The following TTBK2 variants were observed in gnomAD, a reference collection of about 807,000 sequenced individuals.
TTBK2 encodes tau-tubulin kinase 2.
Under a neutral mutation model 110.8 loss-of-function variants are expected in TTBK2, and 28 were observed. That is an observed-to-expected ratio of 0.25 (90% CI 0.19 to 0.35). TTBK2 has a LOEUF of 0.35. Among genes scored for constraint, TTBK2 ranks in the 10% least tolerant of loss-of-function variants. The pLI, the probability that TTBK2 is intolerant of heterozygous loss-of-function variation, is 1.00. For synonymous variants in TTBK2, 532 were observed against 527.3 expected, an observed-to-expected ratio of 1.01 and a Z score of -0.12; for missense variants, 1,369 against 1,500.3, an observed-to-expected ratio of 0.91 and a Z score of 1.45.
chr15:42,752,701 C>T lies in TTBK2; in HGVS notation c.2545G>A (p.Val849Ile). ...CTGGAAGAAATTTCTGAAGTTCCAA[C>T]TGTCAGAAGCTTCATTATCTCATTA... ...KNNEIMKLLT[V>I]GTSEISSRDI... Residue 849 changes from valine to isoleucine, a missense_variant, in exon 14 of 15, where the codon GTT becomes ATT. This residue lies in a region of TTBK2 where 1,097 missense variants were observed against 1,114.7 expected (regional missense o/e 0.98). Transcript: ENST00000267890. 6.2e-7 allele frequency: 1 copy of T among 1,614,154 alleles called. No homozygotes were observed. Among genetic ancestry groups the T allele is most frequent in the Non-Finnish European group, 8.5e-7 (1 of 1,180,038 alleles).
At chr15:42,851,202 C>A (rs1202052856) in intron 3 of TTBK2, among the ~76,000 whole-genome samples, 2 of 149,826 alleles carry the variant, frequency 1.3e-5, no homozygotes, top group Non-Finnish European at 3.0e-5. Context: ...GAGCAGAGAT[C>A]ATGCCACTGC....
rs71108183 is a variant in TTBK2, at chr15:42,815,958, A to AAAAATATATATATATATATAT, written c.603+1073_603+1074insATATATATATATATATATTTT. Among the ~76,000 whole-genome samples the AAAAATATATATATATATATAT allele has an allele frequency of 2.9e-4, 27 of 91,688 alleles. 2 individuals carry two copies. Among genetic ancestry groups the AAAAATATATATATATATATAT allele is most frequent in the African/African-American group, 1.1e-3 (17 of 16,138 alleles). The allele number at this position is 91,688 out of a possible 152,430, so 60.2% of individuals were successfully genotyped here. ...TATATATATATATATTTAAAAAAAAAATATATATATATATATATATTTGAG... is the reference window on the plus strand; with the variant it reads ...TATATATATATATATTTAAAAAAAAAAAAATATATATATATATATATATATATATATATATATATATTTGAG... On this transcript the variant is annotated intron_variant, in intron 7 of 14. Transcript: ENST00000267890.
intron 10 of TTBK2, among the ~76,000 whole-genome samples, chr15:42,790,646 C>T (rs1276824254): frequency 6.6e-6 from 1 of 151,912 alleles, no homozygotes. Flanking sequence ...CCTTTTTGTT[C>T]TAATGCTTAT....
chr15:42,853,808 G>A (rs1893819207), intron 3 of TTBK2, among the ~76,000 whole-genome samples: 2 of 152,136 alleles, frequency 1.3e-5, no homozygotes, highest in Non-Finnish European at 2.9e-5. Context: ...TTGAACCTGG[G>A]AGGTGGAGGT....
At chr15:42,808,238 G>T (rs1313366099) in intron 9 of TTBK2, among the ~76,000 whole-genome samples, 1 of 152,236 alleles carries the variant, frequency 6.6e-6, no homozygotes, top group Non-Finnish European at 1.5e-5. Flanking sequence ...GCTATTGGAT[G>T]AGGTGTTGGC....
chr15:42,768,697 T>C (rs539739315), intron 13 of TTBK2, among the ~76,000 whole-genome samples: 7 of 152,292 alleles, frequency 4.6e-5, no homozygotes, highest in Non-Finnish European at 8.8e-5. Context: ...AGGTAATTTA[T>C]AGATTCAATG....
chr15:42,753,857 A>G (rs1166688721), intron 13 of TTBK2, among the ~76,000 whole-genome samples: 1 of 152,148 alleles, frequency 6.6e-6, no homozygotes, highest in Non-Finnish European at 1.5e-5. Flanking sequence ...AATTCCTTAC[A>G]TTAAATTCTC....
At chr15:42,917,052 G>A (rs1177299505) in intron 1 of TTBK2, among the ~76,000 whole-genome samples, 1 of 152,128 alleles carries the variant, frequency 6.6e-6, no homozygotes, top group African/African-American at 2.4e-5. Flanking sequence ...AAGCTAAGAA[G>A]CTACTTAGTA....
At chr15:42,801,537 C>A in intron 9 of TTBK2, 1 of 766,596 alleles carries the variant, frequency 1.3e-6, no homozygotes, top group Middle Eastern at 3.1e-4. Context: ...TGCTTCTGAC[C>A]CAGCGTCTGC....
At chr15:42,786,489 T>C (rs1242341920) in intron 10 of TTBK2, among the ~76,000 whole-genome samples, 1 of 152,232 alleles carries the variant, frequency 6.6e-6, no homozygotes, top group Non-Finnish European at 1.5e-5. Context: ...CTTTTTTCCA[T>C]TTTAATCACT....
chr15:42,866,093 A>G (rs1200873032), intron 3 of TTBK2, among the ~76,000 whole-genome samples: 1 of 152,180 alleles, frequency 6.6e-6, no homozygotes, highest in Non-Finnish European at 1.5e-5. Context: ...AAATATTGCT[A>G]TATTAATTTG....
At chr15:42,770,184 A>G (rs1460537138) in intron 13 of TTBK2, among the ~76,000 whole-genome samples, 1 of 152,108 alleles carries the variant, frequency 6.6e-6, no homozygotes, top group Non-Finnish European at 1.5e-5. Context: ...AACATGGCAC[A>G]TGTATACCTA....
At chr15:42,817,878 TC>T (rs1892107875) in intron 6 of TTBK2, among the ~76,000 whole-genome samples, 1 of 152,164 alleles carries the variant, frequency 6.6e-6, no homozygotes, top group African/African-American at 2.4e-5. Flanking sequence ...GGCTAGCTCT[TC>T]TACTCCATTT....
At chr15:42,893,330 C>G (rs1004120427) in intron 1 of TTBK2, among the ~76,000 whole-genome samples, 2 of 151,898 alleles carry the variant, frequency 1.3e-5, no homozygotes, top group Non-Finnish European at 2.9e-5. Flanking sequence ...CCTGTTACTA[C>G]AAAAATTTTT....
intron 1 of TTBK2, among the ~76,000 whole-genome samples, chr15:42,903,389 C>G (rs1248072677): frequency 1.3e-5 from 2 of 152,108 alleles, no homozygotes; most frequent in East Asian, 3.9e-4. Context: ...CTTAAGGCCA[C>G]TGAACTGTAC....
intron 1 of TTBK2, among the ~76,000 whole-genome samples, chr15:42,912,949 C>T (rs1308946660): frequency 6.7e-6 from 1 of 149,216 alleles, no homozygotes; most frequent in Non-Finnish European, 1.5e-5. Context: ...CAAGGTGAAA[C>T]CCCGTCTCTA....
At position 42,865,533 on chromosome 15, in the gene TTBK2, A is replaced by G. The variant is rs1250089964; in HGVS notation, c.217+7078T>C. On this transcript the variant is annotated intron_variant, in intron 3 of 14. Coordinates refer to ENST00000267890, the MANE Select transcript of TTBK2 (RefSeq NM_173500.4). ...AATACTAAAAAAAAAAAAAAAACCAACAACAGGCTGGGCACAGTCGTGCAC... is the reference window on the plus strand; with the variant it reads ...AATACTAAAAAAAAAAAAAAAACCAGCAACAGGCTGGGCACAGTCGTGCAC... Among the ~76,000 whole-genome samples, 3 of 151,062 alleles carry G rather than the reference A, an allele frequency of 2.0e-5. No individual in the cohort carries two copies. The South Asian group carries it at 6.3e-4, about 32-fold the overall frequency.
chr15:42,809,328 G>A (rs1319364403), intron 9 of TTBK2, among the ~76,000 whole-genome samples: 1 of 152,316 alleles, frequency 6.6e-6, no homozygotes, highest in East Asian at 1.9e-4. Flanking sequence ...TGAAAAACTT[G>A]AGAACAATAA....
intron 1 of TTBK2, among the ~76,000 whole-genome samples, chr15:42,912,781 G>C (rs2030849722): frequency 6.6e-6 from 1 of 152,010 alleles, no homozygotes; most frequent in East Asian, 1.9e-4. Context: ...GTAGAAACAA[G>C]TTTACAAAGA....
Sources: allele counts gnomAD v4.1 joint callset (sites outside exome capture counted in the v4.1 genomes callset), GRCh38; gene constraint gnomAD v4.1.1; regional missense constraint gnomAD v4.1.1; transcripts MANE v1.5; gene names NCBI Gene and HGNC (gene_info 2026-07-23, HGNC 2026-07-21).